SIK3: variants seen among roughly 807,000 people sequenced by gnomAD.
The protein encoded by SIK3 is SIK family kinase 3.
In SIK3, 28 loss-of-function variants were observed where a neutral mutation model predicts 144.2. The ratio of observed to expected loss-of-function variants is 0.19; its 90% CI spans 0.14 to 0.27. SIK3 has a LOEUF of 0.27. Among genes scored for constraint, SIK3 ranks in the 10% least tolerant of loss-of-function variants. The pLI, the probability that SIK3 is intolerant of heterozygous loss-of-function variation, is 1.00. For synonymous variants in SIK3, 686 were observed against 676.3 expected (o/e 1.01, Z -0.22); for missense variants, 1,319 against 1,776.0 (o/e 0.74, Z 4.62).
chr11:117,039,610 T>TCCA, intron 1 of SIK3, among the ~76,000 whole-genome samples: 1 of 152,290 alleles, frequency 6.6e-6, no homozygotes, highest in Middle Eastern at 3.4e-3. Context: ...AATCGAAAGG[T>TCCA]CCACATTCAA....
chr11:117,086,301 G>C (rs977953537), intron 1 of SIK3, among the ~76,000 whole-genome samples: 9 of 152,288 alleles, frequency 5.9e-5, no homozygotes, highest in African/African-American at 1.7e-4. Context: ...CAATCTCCTT[G>C]ACTATCTTTT....
At chr11:116,975,669 C>T (rs1322953420) in intron 1 of SIK3, among the ~76,000 whole-genome samples, 1 of 152,154 alleles carries the variant, frequency 6.6e-6, no homozygotes, top group African/African-American at 2.4e-5. Context: ...CTGCCATGAA[C>T]ATTCATAAAA....
intron 1 of SIK3, among the ~76,000 whole-genome samples, chr11:117,013,810 C>A (rs989616647): frequency 2.0e-4 from 20 of 97,976 alleles, no homozygotes; most frequent in African/African-American, 7.7e-4. Flanking sequence ...AAACTGAGAC[C>A]CAGAGAAGGA....
At chr11:116,878,449 G>A (rs1417804879) in intron 6 of SIK3, among the ~76,000 whole-genome samples, 3 of 150,780 alleles carry the variant, frequency 2.0e-5, no homozygotes, top group Non-Finnish European at 4.4e-5. Flanking sequence ...GTGCGATCTC[G>A]GCTCACTGCA....
intron 21 of SIK3, among the ~76,000 whole-genome samples, chr11:116,854,726 G>A (rs1349693464): frequency 2.0e-5 from 3 of 152,144 alleles, no homozygotes; most frequent in Non-Finnish European, 2.9e-5. Context: ...AGCCTTTCGT[G>A]ACAGAAGTGA....
intron 1 of SIK3, among the ~76,000 whole-genome samples, chr11:116,992,852 C>T (rs1014108909): frequency 6.6e-6 from 1 of 152,004 alleles, no homozygotes. Flanking sequence ...AGACATAGTG[C>T]CATGCACCTG....
At chr11:117,010,844 G>A (rs1392045974) in intron 1 of SIK3, among the ~76,000 whole-genome samples, 1 of 152,136 alleles carries the variant, frequency 6.6e-6, no homozygotes, top group Non-Finnish European at 1.5e-5. Context: ...TGTAGGCCAG[G>A]CACGGTGGCT....
rs1555131640 is a variant in SIK3, at chr11:117,023,621, A to ATAT, written c.274-66558_274-66557insATA. 6.7e-3 allele frequency among the ~76,000 whole-genome samples: 633 copies of ATAT among 95,092 alleles called. 2 individuals are homozygous for ATAT. The highest frequency in any genetic ancestry group is 0.013 in the South Asian group (34 of 2,648). 62.4% of individuals were successfully genotyped at this position (95,092 alleles called of 152,430 possible). A position where few individuals can be genotyped will look rare whatever the true frequency, so the allele number is the denominator to read the frequency against. ...ACAAACAAACAAACAAAAAAAAAAA[A>ATAT]ATATATATATATATATATATATATT... On this transcript the variant is annotated intron_variant, in intron 1 of 24. Transcript: ENST00000445177.
In SIK3 at chr11:116,873,673, T is replaced by C. The variant is rs11216169; in HGVS notation, c.1582-37A>G. The C allele has an allele frequency of 0.11, 164,859 of 1,520,042 alleles. 9,678 individuals are homozygous for C. Among genetic ancestry groups the C allele is most frequent in the South Asian group, 0.16 (11,671 of 75,184 alleles). 94.2% of individuals were successfully genotyped at this position (1,520,042 alleles called of 1,614,324 possible). ...AGAGTGGGGAGGACGGACCATGAGATGAGGGGAAGGCGGGGAGAAAGGGGC... is the reference window on the plus strand; with the variant it reads ...AGAGTGGGGAGGACGGACCATGAGACGAGGGGAAGGCGGGGAGAAAGGGGC... On this transcript the variant is annotated intron_variant, in intron 12 of 24. Coordinates refer to ENST00000445177, the MANE Select transcript of SIK3 (RefSeq NM_001366686.3).
intron 1 of SIK3, among the ~76,000 whole-genome samples, chr11:117,041,785 C>G (rs1463896884): frequency 5.3e-5 from 8 of 152,202 alleles, no homozygotes; most frequent in African/African-American, 1.9e-4. Context: ...TAAGACTAAA[C>G]TCTGACAACA....
Position 117,052,105 on chromosome 11 carries a change from G to C in SIK3, c.273+46038C>G, listed in dbSNP as rs1953276345. Reference sequence around the variant, plus strand: ...TGCAGTTTGCAAGATAGTGCCACTGGACTCGACTGGGCAACAAGAGTGAAA... The same window carrying C: ...TGCAGTTTGCAAGATAGTGCCACTGCACTCGACTGGGCAACAAGAGTGAAA... On this transcript the variant is annotated intron_variant, in intron 1 of 24. Transcript: ENST00000445177. Among the ~76,000 whole-genome samples the C allele has an allele frequency of 2.6e-5, 4 of 152,004 alleles. No individual in the cohort carries two copies. In the South Asian group the frequency reaches 8.3e-4, roughly 32 times the overall value.
intron 1 of SIK3, among the ~76,000 whole-genome samples, chr11:116,998,585 T>C (rs2135594836): frequency 6.6e-6 from 1 of 152,250 alleles, no homozygotes; most frequent in South Asian, 2.1e-4. Flanking sequence ...AAAATCTCAA[T>C]TTCACTATCA....
chr11:116,876,568 T>C (rs1174719287), intron 7 of SIK3, among the ~76,000 whole-genome samples: 3 of 152,178 alleles, frequency 2.0e-5, no homozygotes, highest in Non-Finnish European at 4.4e-5. Context: ...ATACCTGGCA[T>C]GGCCATAGTG....
chr11:116,919,780 T>C (rs1264806000), intron 4 of SIK3, among the ~76,000 whole-genome samples: 1 of 152,106 alleles, frequency 6.6e-6, no homozygotes, highest in African/African-American at 2.4e-5. Flanking sequence ...AGTAAGAAAA[T>C]TTCATTTCTT....
At chr11:116,995,892 G>C (rs369780842) in intron 1 of SIK3, among the ~76,000 whole-genome samples, 1 of 152,142 alleles carries the variant, frequency 6.6e-6, no homozygotes, top group East Asian at 1.9e-4. Context: ...GAACCTGCCT[G>C]TAGTCCCAAA....
chr11:116,970,084 T>C (rs185216109), intron 1 of SIK3, among the ~76,000 whole-genome samples: 12 of 152,182 alleles, frequency 7.9e-5, no homozygotes, highest in Admixed American at 7.9e-4. Flanking sequence ...CAGACCAGCC[T>C]AGGCAACATA....
At chr11:116,898,287 C>CTA (rs1945535533) in intron 4 of SIK3, among the ~76,000 whole-genome samples, 2 of 152,118 alleles carry the variant, frequency 1.3e-5, no homozygotes, top group Non-Finnish European at 2.9e-5. Context: ...ATCCATGTCC[C>CTA]TACAAAGGAC....
At chr11:117,091,081 C>G (rs1354706661) in intron 1 of SIK3, among the ~76,000 whole-genome samples, 1 of 151,918 alleles carries the variant, frequency 6.6e-6, no homozygotes, top group Non-Finnish European at 1.5e-5. Context: ...CCAGCTCCCC[C>G]ACTAACTACC....
At chr11:116,944,861 T>C (rs975169800) in intron 3 of SIK3, among the ~76,000 whole-genome samples, 2 of 152,228 alleles carry the variant, frequency 1.3e-5, no homozygotes, top group African/African-American at 2.4e-5. Flanking sequence ...TGGCTAACTC[T>C]CACAGCTGGC....
Sources: allele counts gnomAD v4.1 joint callset (sites outside exome capture counted in the v4.1 genomes callset), GRCh38; gene constraint gnomAD v4.1.1; transcripts MANE v1.5; gene names NCBI Gene and HGNC (gene_info 2026-07-23, HGNC 2026-07-21).